PCDHGA2: variants seen among roughly 807,000 people sequenced by gnomAD.
The protein encoded by PCDHGA2 is protocadherin gamma subfamily A, 2.
PCDHGA2 carries 40 observed loss-of-function variants against 59.2 expected under a neutral mutation model. The ratio of observed to expected loss-of-function variants is 0.68; its 90% CI spans 0.52 to 0.88. The LOEUF (loss-of-function observed/expected upper bound fraction) is 0.88, where lower values mean the gene tolerates loss of function less well. Ranked by LOEUF, PCDHGA2 falls within the 40% of genes least tolerant of loss-of-function variation. PCDHGA2 has a pLI of 0.00. For synonymous variants in PCDHGA2, 560 were observed against 526.0 expected (o/e 1.06, Z -0.89); for missense variants, 1,226 against 1,204.0 (o/e 1.02, Z -0.27).
intron 1 of PCDHGA2, chr5:141,357,069 A>G (rs777295000): frequency 3.1e-6 from 5 of 1,613,964 alleles, no homozygotes; most frequent in Non-Finnish European, 4.2e-6. Context: ...GGCTGCACAC[A>G]GGCGAGGTGC....
chr5:141,459,595 T>C (rs904266180), intron 1 of PCDHGA2, among the ~76,000 whole-genome samples: 10 of 152,232 alleles, frequency 6.6e-5, no homozygotes, highest in African/African-American at 9.6e-5. Context: ...TCATATGAAA[T>C]GGGAAGTATA....
chr5:141,428,015 A>G, intron 1 of PCDHGA2: 5 of 1,604,042 alleles, frequency 3.1e-6, no homozygotes, highest in Non-Finnish European at 3.4e-6. Flanking sequence ...ATATAGTGCC[A>G]CGCGCCGCAG....
chr5:141,476,417 C>A lies in PCDHGA2; in HGVS notation c.2425-18390C>A. ...GGATCGAGAGGAGCTGTGTGGGACA[C>A]TGCCCTCTTGCACTGTAACTCTGGA... is the stretch of plus-strand genomic sequence containing the variant. On this transcript the variant is annotated intron_variant, in intron 1 of 3. Coordinates refer to ENST00000394576, the MANE Select transcript of PCDHGA2 (RefSeq NM_018915.4). This position sits in a 1 kb window ranked among gnomAD's most constrained non-coding sequence, Gnocchi z 7.6. The A allele has an allele frequency of 6.2e-7, 1 of 1,614,112 alleles. No homozygotes were observed. The highest frequency in any genetic ancestry group is 8.5e-7 in the Non-Finnish European group (1 of 1,179,994).
At chr5:141,492,578 G>A (rs1380328678) in intron 1 of PCDHGA2, among the ~76,000 whole-genome samples, 1 of 152,216 alleles carries the variant, frequency 6.6e-6, no homozygotes, top group Non-Finnish European at 1.5e-5. Flanking sequence ...CGAGGCGCGG[G>A]GCCAGGAGCG....
chr5:141,347,137 C>CTCTTTCTTTCTTCCTTTCTT (rs1757891658), intron 1 of PCDHGA2, among the ~76,000 whole-genome samples: 1 of 113,744 alleles, frequency 8.8e-6, no homozygotes, highest in Non-Finnish European at 1.7e-5. Context: ...CTCTGTTTCT[C>CTCTTTCTTTCTTCCTTTCTT]TCTTTCTTTC....
At position 141,454,796 on chromosome 5, in the gene PCDHGA2, A is replaced by ATTTTTTTTTTTTTTTTTTTT. The variant is rs61612330; in HGVS notation, c.2425-40001_2425-39982dup. Among the ~76,000 whole-genome samples, 20 of 77,456 alleles carry ATTTTTTTTTTTTTTTTTTTT rather than the reference A, an allele frequency of 2.6e-4. 2 individuals carry two copies. Among genetic ancestry groups the ATTTTTTTTTTTTTTTTTTTT allele is most frequent in the South Asian group, 5.1e-4 (1 of 1,960 alleles). The allele number at this position is 77,456 out of a possible 152,430, so 50.8% of individuals were successfully genotyped here. On this transcript the variant is annotated intron_variant, in intron 1 of 3. Transcript: ENST00000394576. Reference sequence around the variant, plus strand: ...AAGGAAATAATCCTCCATGGTTCTAATTTTTTTTTTTTTTTTTTTTTTTTT... The same window carrying ATTTTTTTTTTTTTTTTTTTT: ...AAGGAAATAATCCTCCATGGTTCTAATTTTTTTTTTTTTTTTTTTTTTTTTTTTTTTTTTTTTTTTTTTTT...
At chr5:141,356,172 G>A (rs1760140235) in intron 1 of PCDHGA2, 1 of 1,612,824 alleles carries the variant, frequency 6.2e-7, no homozygotes. Context: ...CCCATGATGG[G>A]CCTGGTCTCC....
intron 1 of PCDHGA2, chr5:141,418,849 G>T (rs1479117344): frequency 1.5e-5 from 25 of 1,613,886 alleles, no homozygotes; most frequent in Non-Finnish European, 1.8e-5. Context: ...TCTCAACACG[G>T]TGTAAAGTAA....
intron 1 of PCDHGA2, chr5:141,427,761 G>A (rs1228905550): frequency 3.7e-6 from 5 of 1,366,246 alleles, no homozygotes; most frequent in Non-Finnish European, 4.1e-6. Flanking sequence ...CGTTACCACT[G>A]ACTTGGAGCT....
chr5:141,478,631 A>G (rs781339775), intron 1 of PCDHGA2: 1 of 1,553,196 alleles, frequency 6.4e-7, no homozygotes, highest in Non-Finnish European at 8.7e-7. Context: ...CTGTTTTTTT[A>G]GTGATGAAGA....
chr5:141,382,783 C>A, intron 1 of PCDHGA2: 1 of 871,086 alleles, frequency 1.1e-6, no homozygotes. Flanking sequence ...TAAACTCAAG[C>A]CTCTATCCTG....
chr5:141,420,321 C>G (rs763682825), intron 1 of PCDHGA2: 2 of 1,410,974 alleles, frequency 1.4e-6, no homozygotes, highest in Non-Finnish European at 1.9e-6. Flanking sequence ...TACAATATGC[C>G]AATATATTCC....
rs1231591874 is a variant in PCDHGA2 at position 141,431,615 on chromosome 5, G to T, written c.2425-63192G>T. The T allele has an allele frequency of 3.1e-6, 5 of 1,614,118 alleles. No homozygotes were observed. Among genetic ancestry groups the T allele is most frequent in the African/African-American group, 2.7e-5 (2 of 74,950 alleles). On this transcript the variant is annotated intron_variant, in intron 1 of 3. Transcript: ENST00000394576. The surrounding 1 kb of genome is among the most constrained non-coding windows in gnomAD (Gnocchi z 4.8). Reference sequence around the variant, plus strand: ...GAGGTATTCCTTCCGGTATGTGGACGACAAGGCGGCCCAAGTTTTCAAACT... The same window carrying T: ...GAGGTATTCCTTCCGGTATGTGGACTACAAGGCGGCCCAAGTTTTCAAACT...
chr5:141,410,083 C>T (rs752701599), intron 1 of PCDHGA2: 102 of 1,612,590 alleles, frequency 6.3e-5, no homozygotes, highest in Non-Finnish European at 4.7e-5. Flanking sequence ...GGGAGGTGCG[C>T]ACGGCTCGAG....
At chr5:141,363,810 T>C (rs1763071623) in intron 1 of PCDHGA2, among the ~76,000 whole-genome samples, 1 of 152,204 alleles carries the variant, frequency 6.6e-6, no homozygotes, top group Non-Finnish European at 1.5e-5. Flanking sequence ...AAATCTTGAA[T>C]CCTACAAAGG....
chr5:141,443,167 C>T (rs745545091), intron 1 of PCDHGA2, among the ~76,000 whole-genome samples: 4 of 152,084 alleles, frequency 2.6e-5, no homozygotes, highest in Non-Finnish European at 5.9e-5. Flanking sequence ...TTTCCCTACC[C>T]ATGTCCACTG....
chr5:141,366,178 C>A lies in PCDHGA2; in HGVS notation c.2424+24783C>A, dbSNP rs778986920. The stretch of plus-strand genomic sequence containing the variant: ...TGCTTAAGGCCAGCGAGCCAGGACT[C>A]TTTGCGGTTGGGCTGCACACGGGCG... On this transcript the variant is annotated intron_variant, in intron 1 of 3. Coordinates refer to ENST00000394576, the MANE Select transcript of PCDHGA2 (RefSeq NM_018915.4). The A allele has an allele frequency of 3.1e-6, 5 of 1,613,926 alleles. No individual in the cohort carries two copies. In the Admixed American group the frequency reaches 8.3e-5, roughly 27 times the overall value.
chr5:141,371,018 C>T (rs750315441), intron 1 of PCDHGA2: 17 of 1,613,876 alleles, frequency 1.1e-5, no homozygotes, highest in Non-Finnish European at 1.3e-5. Flanking sequence ...AGCCACATCA[C>T]CACCTGGTCC....
rs752316565 is a variant in PCDHGA2 at position 141,487,235 on chromosome 5, C to T, written c.2425-7572C>T. On this transcript the variant is annotated intron_variant, in intron 1 of 3. Coordinates refer to ENST00000394576, the MANE Select transcript of PCDHGA2 (RefSeq NM_018915.4). This position sits in a 1 kb window ranked among gnomAD's most constrained non-coding sequence, Gnocchi z 5.0. The stretch of plus-strand genomic sequence containing the variant: ...TTCAGCTCCAAGGGAAGGAGAATCT[C>T]GTCTAACCCTCTACTTGGCTGTGTC... The T allele has an allele frequency of 2.5e-6, 4 of 1,614,126 alleles. No individual in the cohort carries two copies. Among genetic ancestry groups the T allele is most frequent in the Non-Finnish European group, 3.4e-6 (4 of 1,179,994 alleles).
Sources: allele counts gnomAD v4.1 joint callset (sites outside exome capture counted in the v4.1 genomes callset), GRCh38; gene constraint gnomAD v4.1.1; non-coding constraint Gnocchi (gnomAD v3.1); transcripts MANE v1.5; gene names NCBI Gene and HGNC (gene_info 2026-07-23, HGNC 2026-07-21).